Variants in NUP155 observed in about 807,000 individuals in gnomAD.
NUP155 encodes the protein nuclear pore complex protein Nup155.
Under a neutral mutation model 180.4 loss-of-function variants are expected in NUP155, and 71 were observed. That is an observed-to-expected ratio of 0.39 (90% CI 0.33 to 0.48). NUP155 has a LOEUF of 0.48. Ranked by LOEUF, NUP155 falls within the 20% of genes least tolerant of loss-of-function variation. The pLI is 0.91. For synonymous variants in NUP155, 582 were observed against 559.5 expected (o/e 1.04, Z -0.57); for missense variants, 1,553 against 1,648.9 (o/e 0.94, Z 1.01).
intron 9 of NUP155, among the ~76,000 whole-genome samples, chr5:37,345,510 C>CAAAAAAAA (rs570982659): frequency 1.5e-5 from 1 of 67,130 alleles, no homozygotes; most frequent in Non-Finnish European, 3.0e-5. Flanking sequence ...GACTCCATTT[C>CAAAAAAAA]AAAAAAAAAA....
chr5:37,322,381 AC>A (rs1744300849), intron 20 of NUP155, among the ~76,000 whole-genome samples: 1 of 152,154 alleles, frequency 6.6e-6, no homozygotes. Flanking sequence ...TTATTTTTCA[AC>A]AAAAAGTCCG....
chr5:37,310,678 T>A lies in NUP155; in HGVS notation c.2502A>T (p.Thr834=). The change falls in exon 23 of 35, where the codon ACA becomes ACT. Residue 834 remains threonine (T), a synonymous_variant. Transcript: ENST00000231498. ...KDLVIRDKEL[T]GALIASLINC... is the part of the protein sequence containing the mutation. The stretch of plus-strand genomic sequence containing the variant: ...TGATAAGAGAAGCAATTAATGCCCC[T>A]GTGAGTTCTTTGTCCCTGATTACAA... 1.9e-6 allele frequency: 3 copies of A among 1,613,896 alleles called. No individual in the cohort carries two copies. Among genetic ancestry groups the A allele is most frequent in the East Asian group, 4.5e-5 (2 of 44,820 alleles).
chr5:37,334,388 T>C (rs1390540683), intron 12 of NUP155, among the ~76,000 whole-genome samples: 1 of 151,676 alleles, frequency 6.6e-6, no homozygotes, highest in African/African-American at 2.4e-5. Context: ...CATTACCTTT[T>C]TTTTTTTTCT....
At chr5:37,310,773 TATAGAA>T (rs1561775032) in intron 22 of NUP155, 30 bp from the exon 23 acceptor site, 1 of 1,486,036 alleles carries the variant, frequency 6.7e-7, no homozygotes, top group Admixed American at 1.7e-5. Context: ...CTATCACAAT[TATAGAA>T]ATACCATATT....
At chr5:37,334,884 G>T (rs1745217538) in intron 12 of NUP155, among the ~76,000 whole-genome samples, 1 of 152,042 alleles carries the variant, frequency 6.6e-6, no homozygotes, top group Non-Finnish European at 1.5e-5. Context: ...TACTGGCTCG[G>T]CGAGGTGGCT....
chr5:37,341,086 T>C lies in NUP155; in HGVS notation c.1246+4A>G. The C allele has an allele frequency of 6.2e-7, 1 of 1,604,566 alleles. No individual in the cohort carries two copies. On this transcript the variant is annotated splice_donor_region_variant and intron_variant, in intron 11 of 34. Coordinates refer to ENST00000231498, the MANE Select transcript of NUP155 (RefSeq NM_153485.3). Reference sequence around the variant, plus strand: ...CTTAAATCTGATAGTATTTCAGAACTTACCTTTACTATAAAGAGCTCTATG... The same window carrying C: ...CTTAAATCTGATAGTATTTCAGAACCTACCTTTACTATAAAGAGCTCTATG...
chr5:37,348,762 C>CT (rs938388357), intron 8 of NUP155, among the ~76,000 whole-genome samples, 166 bp from the exon 9 acceptor site: 44 of 145,594 alleles, frequency 3.0e-4, no homozygotes, highest in East Asian at 6.0e-4. Flanking sequence ...GTGAGTTGGG[C>CT]TTTTTTTTTT....
intron 9 of NUP155, 132 bp from the exon 10 acceptor site, chr5:37,342,778 C>G: frequency 1.5e-6 from 1 of 662,114 alleles, no homozygotes; most frequent in Non-Finnish European, 2.7e-6. Context: ...ACTCTGTCAC[C>G]CAGGCTGGAG....
intron 33 of NUP155, 43 bp downstream of exon 33, chr5:37,294,286 T>A: frequency 7.4e-7 from 1 of 1,355,324 alleles, no homozygotes; most frequent in Non-Finnish European, 1.0e-6. Context: ...AAAGTTACTT[T>A]AATTAAAGAA....
intron 22 of NUP155, among the ~76,000 whole-genome samples, chr5:37,312,779 G>A (rs976879874): frequency 2.6e-5 from 4 of 151,996 alleles, no homozygotes; most frequent in Admixed American, 6.6e-5. Context: ...GCAGTGAGCC[G>A]TGATCATGCC....
At position 37,291,723 on chromosome 5, in the gene NUP155, T is replaced by C; in HGVS notation, c.*177A>G. On this transcript the variant is annotated 3_prime_UTR_variant, in exon 35 of 35. Coordinates refer to ENST00000231498, the MANE Select transcript of NUP155 (RefSeq NM_153485.3). ...TTCACCCAATTACTAAAAAACAAAATAGTCATAAAAAAGAATTCATTTAGC... is the reference window on the plus strand; with the variant it reads ...TTCACCCAATTACTAAAAAACAAAACAGTCATAAAAAAGAATTCATTTAGC... 1.9e-6 allele frequency: 1 copy of C among 514,542 alleles called. No homozygotes were observed. The highest frequency in any genetic ancestry group is 3.4e-6 in the Non-Finnish European group (1 of 293,122). 31.9% of individuals were successfully genotyped at this position (514,542 alleles called of 1,614,324 possible). A position where few individuals can be genotyped will look rare whatever the true frequency, so the allele number is the denominator to read the frequency against.
intron 30 of NUP155, among the ~76,000 whole-genome samples, chr5:37,300,120 C>T (rs188343636): frequency 7.8e-4 from 118 of 151,618 alleles, no homozygotes; most frequent in Middle Eastern, 3.5e-3. Flanking sequence ...GATGTTGCAA[C>T]GACATTCTAT....
chr5:37,300,196 G>T (rs1742791060), intron 30 of NUP155, among the ~76,000 whole-genome samples: 2 of 151,762 alleles, frequency 1.3e-5, no homozygotes, highest in Admixed American at 1.3e-4. Flanking sequence ...GTATTTATGG[G>T]GTACATGAGA....
At chr5:37,328,556 T>A in intron 16 of NUP155, 136 bp from the exon 17 acceptor site, 1 of 654,158 alleles carries the variant, frequency 1.5e-6, no homozygotes, top group Non-Finnish European at 2.8e-6. Flanking sequence ...CAGGCTGGAG[T>A]GCAGTGGCAT....
At chr5:37,338,131 C>A (rs547750714) in intron 11 of NUP155, among the ~76,000 whole-genome samples, 1 of 151,880 alleles carries the variant, frequency 6.6e-6, no homozygotes, top group African/African-American at 2.4e-5. Context: ...CCAGCCTAAT[C>A]AACATGGTGA....
chr5:37,327,687 C>T lies in NUP155; in HGVS notation c.1966G>A (p.Glu656Lys). The T allele has an allele frequency of 6.2e-7, 1 of 1,614,130 alleles. No individual in the cohort carries two copies. The highest frequency in any genetic ancestry group is 8.5e-7 in the Non-Finnish European group (1 of 1,180,010). Residue 656 changes from glutamate (E) to lysine (K), a missense_variant, in exon 18 of 35, where the codon GAG becomes AAG. Physicochemically the swap from Glu to Lys is moderately conservative, Grantham distance 56. Coordinates refer to ENST00000231498, the MANE Select transcript of NUP155 (RefSeq NM_153485.3). The stretch of plus-strand genomic sequence containing the variant: ...TTGTGTTTTCCAGAGTACACAATCT[C>T]TGGTCCAGTCACACAACTCATATTT... Reference protein sequence around the residue: ...ATNMSCVTGPEIVYSGKHNGI... With the variant: ...ATNMSCVTGPKIVYSGKHNGI...
At position 37,337,778 on chromosome 5, in the gene NUP155, A is replaced by G. The variant is rs757022577; in HGVS notation, c.1347+40T>C. On this transcript the variant is annotated intron_variant, in intron 12 of 34. Coordinates refer to ENST00000231498, the MANE Select transcript of NUP155 (RefSeq NM_153485.3). Reference sequence around the variant, plus strand: ...TCTTCCATATTATCCTTCACTTAAAATTATATAATAGTTTTTTCAGAATTG... The same window carrying G: ...TCTTCCATATTATCCTTCACTTAAAGTTATATAATAGTTTTTTCAGAATTG... 3.2e-6 allele frequency: 4 copies of G among 1,251,150 alleles called. 1 individual carries two copies. The highest frequency in any genetic ancestry group is 1.9e-4 in the Middle Eastern group (1 of 5,320). The allele number at this position is 1,251,150 out of a possible 1,614,324, so 77.5% of individuals were successfully genotyped here.
chr5:37,305,314 G>T (rs1743092300), intron 25 of NUP155, 104 bp from the exon 26 acceptor site: 2 of 967,566 alleles, frequency 2.1e-6, no homozygotes, highest in African/African-American at 1.6e-5. Context: ...GGAAGTCAAG[G>T]TAGGAGGACG....
intron 32 of NUP155, among the ~76,000 whole-genome samples, chr5:37,295,390 C>G (rs1742481710): frequency 1.3e-5 from 2 of 152,136 alleles, no homozygotes; most frequent in Admixed American, 1.3e-4. Flanking sequence ...GTGATCTCGG[C>G]TCCCTACAAC....
Sources: allele counts gnomAD v4.1 joint callset (sites outside exome capture counted in the v4.1 genomes callset), GRCh38; gene constraint gnomAD v4.1.1; transcripts MANE v1.5; gene names NCBI Gene and HGNC (gene_info 2026-07-23, HGNC 2026-07-21).